Variants in HS6ST3 observed in about 807,000 individuals in gnomAD.
The protein encoded by HS6ST3 is heparan-sulfate 6-O-sulfotransferase 3.
In HS6ST3, 12 loss-of-function variants were observed where a neutral mutation model predicts 36.7. The observed-to-expected ratio is 0.33, with a 90% CI of 0.21 to 0.53. The LOEUF (loss-of-function observed/expected upper bound fraction) is 0.53, where lower values mean the gene tolerates loss of function less well. HS6ST3 is among the 20% of genes least tolerant of loss of function. The pLI is 0.95. For synonymous variants in HS6ST3, 240 were observed against 257.5 expected (o/e 0.93, Z 0.65); for missense variants, 584 against 640.9 (o/e 0.91, Z 0.96).
intron 1 of HS6ST3, among the ~76,000 whole-genome samples, chr13:96,669,762 G>A (rs1050405407): frequency 1.3e-5 from 2 of 152,094 alleles, no homozygotes; most frequent in East Asian, 1.9e-4. Flanking sequence ...AAAGAACTAC[G>A]TAATAAAGAC....
At chr13:96,240,229 T>A (rs933735278) in intron 1 of HS6ST3, among the ~76,000 whole-genome samples, 2 of 152,154 alleles carry the variant, frequency 1.3e-5, no homozygotes, top group African/African-American at 4.8e-5. Context: ...AATTTGATAG[T>A]CACAAAGTGA....
At chr13:96,707,618 A>G (rs1875460602) in intron 1 of HS6ST3, among the ~76,000 whole-genome samples, 1 of 152,194 alleles carries the variant, frequency 6.6e-6, no homozygotes, top group Admixed American at 6.5e-5. Flanking sequence ...ACTGAGGCAA[A>G]CACTGTGGCA....
At chr13:96,682,156 G>A (rs2056720698) in intron 1 of HS6ST3, among the ~76,000 whole-genome samples, 1 of 152,056 alleles carries the variant, frequency 6.6e-6, no homozygotes, top group African/African-American at 2.4e-5. Flanking sequence ...TCAGGTCTCA[G>A]TCTGGATGTT....
chr13:96,642,708 CT>C (rs2056574528), intron 1 of HS6ST3, among the ~76,000 whole-genome samples: 1 of 151,800 alleles, frequency 6.6e-6, no homozygotes, highest in Non-Finnish European at 1.5e-5. Context: ...TTCAATTATT[CT>C]TTTTGCCATC....
chr13:96,477,409 T>C (rs1446003842), intron 1 of HS6ST3, among the ~76,000 whole-genome samples: 2 of 152,220 alleles, frequency 1.3e-5, no homozygotes, highest in Non-Finnish European at 2.9e-5. Context: ...TTGTTGACAC[T>C]AGTGAGATTT....
intron 1 of HS6ST3, among the ~76,000 whole-genome samples, chr13:96,559,641 A>G (rs1446615344): frequency 2.0e-5 from 3 of 152,318 alleles, no homozygotes; most frequent in Middle Eastern, 3.4e-3. Flanking sequence ...GGCTGTTTCA[A>G]TGAGAATAAC....
intron 1 of HS6ST3, among the ~76,000 whole-genome samples, chr13:96,662,702 T>C (rs1437183030): frequency 6.6e-6 from 1 of 152,174 alleles, no homozygotes; most frequent in Non-Finnish European, 1.5e-5. Context: ...AATCTTTTAA[T>C]GGTGCCAGAG....
At chr13:96,592,570 T>C (rs2056386443) in intron 1 of HS6ST3, among the ~76,000 whole-genome samples, 1 of 152,184 alleles carries the variant, frequency 6.6e-6, no homozygotes, top group Admixed American at 6.5e-5. Flanking sequence ...AAGACTAAAA[T>C]ACTCCCTTTA....
At position 96,151,291 on chromosome 13, in the gene HS6ST3, C is replaced by G. The variant is rs116214414; in HGVS notation, c.707+59722C>G. On this transcript the variant is annotated intron_variant, in intron 1 of 1. Transcript: ENST00000376705. The stretch of plus-strand genomic sequence containing the variant: ...TGGTGACGTGCACATGTAATCATGA[C>G]TACTTGGGAAGCTGAGGCAGGAGAA... Among the ~76,000 whole-genome samples, 708 of 152,040 alleles carry G rather than the reference C, an allele frequency of 4.7e-3. 3 individuals are homozygous for G. The highest frequency in any genetic ancestry group is 0.014 in the South Asian group (67 of 4,812).
chr13:96,776,020 C>G (rs1877379402), intron 1 of HS6ST3, among the ~76,000 whole-genome samples: 1 of 152,094 alleles, frequency 6.6e-6, no homozygotes, highest in Non-Finnish European at 1.5e-5. Context: ...CAAATTAGAA[C>G]TCAGGATTAA....
intron 1 of HS6ST3, among the ~76,000 whole-genome samples, chr13:96,136,565 A>G (rs1374963416): frequency 6.6e-6 from 1 of 151,978 alleles, no homozygotes; most frequent in Non-Finnish European, 1.5e-5. Flanking sequence ...GCCGTGAACC[A>G]GTCGCCTCCC....
intron 1 of HS6ST3, among the ~76,000 whole-genome samples, chr13:96,744,512 G>C (rs76160792): frequency 0.014 from 2,080 of 152,162 alleles, 48 homozygotes; most frequent in African/African-American, 0.047. Context: ...ACTTGCATGA[G>C]GGGGAGGTTA....
chr13:96,409,856 A>G (rs556450711), intron 1 of HS6ST3, among the ~76,000 whole-genome samples: 48 of 152,300 alleles, frequency 3.2e-4, no homozygotes, highest in African/African-American at 1.1e-3. Context: ...ACCATATAAA[A>G]CATCTTATGA....
intron 1 of HS6ST3, among the ~76,000 whole-genome samples, chr13:96,513,268 T>A (rs537644005): frequency 6.6e-6 from 1 of 151,538 alleles, no homozygotes; most frequent in African/African-American, 2.4e-5. Flanking sequence ...TTCTGTGTAT[T>A]TTTTTTTTCT....
At chr13:96,302,097 A>T (rs1048827961) in intron 1 of HS6ST3, among the ~76,000 whole-genome samples, 4 of 151,950 alleles carry the variant, frequency 2.6e-5, no homozygotes, top group African/African-American at 4.8e-5. Flanking sequence ...TTAATAGTTT[A>T]CTACTGGAGG....
chr13:96,234,902 A>G (rs1413348680), intron 1 of HS6ST3, among the ~76,000 whole-genome samples: 4 of 152,204 alleles, frequency 2.6e-5, no homozygotes, highest in Non-Finnish European at 5.9e-5. Flanking sequence ...CCCATTTTCT[A>G]TGCCTAAATA....
intron 1 of HS6ST3, among the ~76,000 whole-genome samples, chr13:96,524,699 A>G (rs1459077352): frequency 6.6e-6 from 1 of 152,198 alleles, no homozygotes; most frequent in Non-Finnish European, 1.5e-5. Flanking sequence ...GCCGGTTGCA[A>G]AGACTGTGGG....
chr13:96,257,939 T>C (rs2054645261), intron 1 of HS6ST3, among the ~76,000 whole-genome samples: 1 of 152,240 alleles, frequency 6.6e-6, no homozygotes, highest in Non-Finnish European at 1.5e-5. Flanking sequence ...TTTCCTTTGC[T>C]TTATTCTTTG....
rs989205955 is a variant in HS6ST3, at chr13:96,752,027, C to T, written c.708-80463C>T. Among the ~76,000 whole-genome samples the T allele has an allele frequency of 3.9e-5, 6 of 152,112 alleles. No individual in the cohort carries two copies. The East Asian group carries it at 1.2e-3, about 29-fold the overall frequency. On this transcript the variant is annotated intron_variant, in intron 1 of 1. Transcript: ENST00000376705. ...CTCCTTGTATGGTCTCCCACGTGCT[C>T]CTGTATATCCTTCCAATGTAACTAC... is the stretch of plus-strand genomic sequence containing the variant.
Sources: gnomAD v4.1 joint callset for allele counts (sites outside exome capture counted in the v4.1 genomes callset) on GRCh38, gnomAD v4.1.1 for gene constraint, MANE v1.5 for transcripts, NCBI Gene and HGNC (gene_info 2026-07-23, HGNC 2026-07-21) for gene names.